The following SCAF11 variants were observed in gnomAD, a reference collection of about 807,000 sequenced individuals.
SCAF11 encodes protein SCAF11.
SCAF11 carries 47 observed loss-of-function variants against 140.5 expected under a neutral mutation model. The ratio of observed to expected loss-of-function variants is 0.33; its 90% CI spans 0.26 to 0.43. The LOEUF is 0.43. Ranked by LOEUF, SCAF11 falls within the 20% of genes least tolerant of loss-of-function variation. The probability of loss-of-function intolerance (pLI) is 1.00; values close to 1 mark genes in which losing one functional copy is unlikely to be tolerated. For synonymous variants in SCAF11, 557 were observed against 579.4 expected (o/e 0.96, Z 0.55); for missense variants, 1,645 against 1,705.1 (o/e 0.96, Z 0.62).
intron 10 of SCAF11, among the ~76,000 whole-genome samples, chr12:45,930,450 T>G (rs1431171347): frequency 6.0e-5 from 9 of 148,814 alleles, no homozygotes; most frequent in African/African-American, 7.5e-5. Flanking sequence ...GTTTTGTTTT[T>G]TTTTTGTTTT....
intron 12 of SCAF11, 95 bp downstream of exon 12, chr12:45,924,633 T>C (rs1297473429): frequency 2.1e-6 from 2 of 973,470 alleles, no homozygotes; most frequent in South Asian, 1.7e-5. Context: ...ACAATTGTTT[T>C]TGAATGCCAG....
At chr12:45,978,800 G>T (rs1946290674) in intron 1 of SCAF11, among the ~76,000 whole-genome samples, 1 of 152,152 alleles carries the variant, frequency 6.6e-6, no homozygotes, top group African/African-American at 2.4e-5. Flanking sequence ...AAAAAAGGGA[G>T]ATGGGAAAAT....
At chr12:45,940,490 A>G (rs1945270602) in intron 6 of SCAF11, among the ~76,000 whole-genome samples, 1 of 152,228 alleles carries the variant, frequency 6.6e-6, no homozygotes, top group African/African-American at 2.4e-5. Flanking sequence ...GGCATTGGAT[A>G]TAGAGTCAGA....
chr12:45,962,287 T>C (rs1490178279), intron 2 of SCAF11, among the ~76,000 whole-genome samples: 3 of 152,330 alleles, frequency 2.0e-5, no homozygotes, highest in African/African-American at 7.2e-5. Flanking sequence ...AAGAATACTA[T>C]ACACACTAGT....
chr12:45,934,087 T>C lies in SCAF11; in HGVS notation c.632+89A>G, dbSNP rs536467996. ...AACCAGGTGGGCCTTTCAGTTTTTA[T>C]TGGGCCCAGAGTTTAAATTTCTAGC... On this transcript the variant is annotated intron_variant, in intron 8 of 14. Transcript: ENST00000369367. 1.7e-4 allele frequency: 123 copies of C among 734,072 alleles called. No homozygotes were observed. In the Middle Eastern group the frequency reaches 2.1e-3, roughly 12 times the overall value. The allele number at this position is 734,072 out of a possible 1,614,324, so 45.5% of individuals were successfully genotyped here.
chr12:45,934,005 C>A (rs11574970), intron 8 of SCAF11, among the ~76,000 whole-genome samples, 171 bp downstream of exon 8: 146 of 152,200 alleles, frequency 9.6e-4, no homozygotes, highest in African/African-American at 3.5e-3. Flanking sequence ...AACAGGTTTT[C>A]TCTTTGCTAG....
At chr12:45,982,073 A>C (rs1946362807) in intron 1 of SCAF11, among the ~76,000 whole-genome samples, 1 of 152,200 alleles carries the variant, frequency 6.6e-6, no homozygotes, top group Admixed American at 6.5e-5. Flanking sequence ...AAAGAGTCTA[A>C]GTGGATTTGT....
chr12:45,928,511 G>C lies in SCAF11; in HGVS notation c.1190C>G (p.Pro397Arg). The C allele has an allele frequency of 6.2e-7, 1 of 1,613,562 alleles. No individual in the cohort carries two copies. The highest frequency in any genetic ancestry group is 8.5e-7 in the Non-Finnish European group (1 of 1,179,814). ...KKKLRSSVAA[P>R]EKSSSNDSVD... ...TGAATCATTGGAAGATGATTTTTCAGGGGCAGCTACAGAGCTCCGAAGTTT... is the reference window on the plus strand; with the variant it reads ...TGAATCATTGGAAGATGATTTTTCACGGGCAGCTACAGAGCTCCGAAGTTT... The change falls in exon 11 of 15, where the codon CCT (proline) becomes CGT (arginine). Residue 397 changes from proline (P) to arginine (R), a missense_variant. Pro to Arg is a moderately radical substitution (Grantham distance 103). Coordinates refer to ENST00000369367, the MANE Select transcript of SCAF11 (RefSeq NM_004719.3).
upstream of SCAF11, chr12:45,991,785 G>C: frequency 1.1e-6 from 1 of 881,562 alleles, no homozygotes; most frequent in Non-Finnish European, 1.4e-6. Context: ...TGCCCTCAGT[G>C]TCCCCCATCT....
At chr12:45,983,836 C>G (rs1476177354) in intron 1 of SCAF11, among the ~76,000 whole-genome samples, 2 of 149,268 alleles carry the variant, frequency 1.3e-5, no homozygotes, top group Non-Finnish European at 3.0e-5. Context: ...AAAAAGACAA[C>G]CCTAAAAGTA....
Position 45,923,019 on chromosome 12 carries a change from C to A in SCAF11, c.4042G>T (p.Ala1348Ser). 6.2e-7 allele frequency: 1 copy of A among 1,614,200 alleles called. No homozygotes were observed. The highest frequency in any genetic ancestry group is 8.5e-7 in the Non-Finnish European group (1 of 1,180,026). The change falls in exon 13 of 15, where the codon GCC (alanine) becomes TCC (serine). Residue 1348 changes from alanine to serine, a missense_variant. Ala to Ser is a moderately conservative substitution (Grantham distance 99, BLOSUM62 1). This residue lies in a region of SCAF11 where 1,582 missense variants were observed against 1,609.2 expected (regional missense o/e 0.98). Transcript: ENST00000369367. ...GNTSSSSHSKASNAAVKLAES... is the reference protein window; with the variant it reads ...GNTSSSSHSKSSNAAVKLAES... ...GCCAATTTTACAGCAGCATTAGAGG[C>A]TTTGCTGTGACTTGATGACGAAGTA...
chr12:45,932,692 T>G (rs1945079230), intron 9 of SCAF11, among the ~76,000 whole-genome samples: 1 of 152,118 alleles, frequency 6.6e-6, no homozygotes, highest in Admixed American at 6.6e-5. Context: ...AAAACTAGAT[T>G]ACAGAAAGTC....
At chr12:45,967,042 C>T (rs1945966422) in intron 1 of SCAF11, among the ~76,000 whole-genome samples, 1 of 152,104 alleles carries the variant, frequency 6.6e-6, no homozygotes, top group Non-Finnish European at 1.5e-5. Context: ...CTAACCTATG[C>T]TATTTTCACA....
At position 45,964,207 on chromosome 12, in the gene SCAF11, T is replaced by C. The variant is rs551025164; in HGVS notation, c.-21-19A>G. On this transcript the variant is annotated intron_variant, in intron 1 of 14. Coordinates refer to ENST00000369367, the MANE Select transcript of SCAF11 (RefSeq NM_004719.3). ...GGGTTTCCTATAAGATAAATTATAA[T>C]AGAGAATTTTATGTTTGCCTTCTCC... 4.3e-6 allele frequency: 5 copies of C among 1,157,474 alleles called. No homozygotes were observed. The highest frequency in any genetic ancestry group is 2.4e-5 in the East Asian group (1 of 41,386). The allele number at this position is 1,157,474 out of a possible 1,614,324, so 71.7% of individuals were successfully genotyped here.
rs547184564 is a variant in SCAF11, at chr12:45,973,313, T to G, written c.-21-9125A>C. Among the ~76,000 whole-genome samples, 6 of 149,326 alleles carry G rather than the reference T, an allele frequency of 4.0e-5. No homozygotes were observed. In the South Asian group the frequency reaches 1.3e-3, roughly 31 times the overall value. ...AAAATATTAAAGGCTTAGGGACCTG[T>G]GAGGCAGTACCAAAAACCCAACATT... is the stretch of plus-strand genomic sequence containing the variant. On this transcript the variant is annotated intron_variant, in intron 1 of 14. Coordinates refer to ENST00000369367, the MANE Select transcript of SCAF11 (RefSeq NM_004719.3).
intron 1 of SCAF11, among the ~76,000 whole-genome samples, chr12:45,979,140 A>T (rs1405845726): frequency 7.0e-6 from 1 of 142,198 alleles, no homozygotes; most frequent in African/African-American, 2.5e-5. Context: ...TTAGTGCCTT[A>T]TAAAAGGGCC....
chr12:45,967,543 G>T (rs567280465), intron 1 of SCAF11, among the ~76,000 whole-genome samples: 6 of 152,032 alleles, frequency 3.9e-5, no homozygotes, highest in Non-Finnish European at 5.9e-5. Flanking sequence ...ACAAGGGAGG[G>T]TGAGGCAGGA....
chr12:45,926,119 A>C, intron 11 of SCAF11, 23 bp downstream of exon 11: 1 of 1,558,144 alleles, frequency 6.4e-7, no homozygotes, highest in Non-Finnish European at 8.7e-7. Flanking sequence ...AACAGTATCA[A>C]TAAACCAACA....
At chr12:45,957,965 T>C (rs990567036) in intron 3 of SCAF11, among the ~76,000 whole-genome samples, 1 of 152,086 alleles carries the variant, frequency 6.6e-6, no homozygotes, top group East Asian at 1.9e-4. Flanking sequence ...TAATCACAGA[T>C]AAATGTAGTC....
Sources: allele counts gnomAD v4.1 joint callset (sites outside exome capture counted in the v4.1 genomes callset), GRCh38; gene constraint gnomAD v4.1.1; regional missense constraint gnomAD v4.1.1; transcripts MANE v1.5; gene names NCBI Gene and HGNC (gene_info 2026-07-23, HGNC 2026-07-21).